PCDH11X: variants seen among roughly 807,000 people sequenced by gnomAD.
PCDH11X encodes the protein protocadherin 11 X-linked.
A neutral mutation model predicts 53.3 loss-of-function variants in PCDH11X; 18 were observed. That is an observed-to-expected ratio of 0.34 (90% CI 0.23 to 0.50). The LOEUF (loss-of-function observed/expected upper bound fraction) is 0.50. Ranked by LOEUF, PCDH11X falls within the 20% of genes least tolerant of loss-of-function variation. PCDH11X has a pLI of 0.98. For synonymous variants in PCDH11X, 279 were observed against 393.3 expected (o/e 0.71, Z 3.44); for missense variants, 570 against 1,032.4 (o/e 0.55, Z 6.14).
At chrX:92,139,865 G>A (rs2065149808) in intron 6 of PCDH11X, among the ~76,000 whole-genome samples, 1 of 110,153 alleles carries the variant, frequency 9.1e-6, no homozygotes, top group South Asian at 3.8e-4. Flanking sequence ...AATAAAGAAG[G>A]GACTATTTTT....
intron 8 of PCDH11X, among the ~76,000 whole-genome samples, chrX:92,352,273 T>G (rs1316457619): frequency 8.9e-6 from 1 of 112,014 alleles, no homozygotes. Flanking sequence ...AACCTCTCAT[T>G]TGATAGGTGA....
intron 8 of PCDH11X, among the ~76,000 whole-genome samples, chrX:92,287,562 A>G (rs1184925351): frequency 1.8e-5 from 2 of 111,850 alleles, no homozygotes; most frequent in Non-Finnish European, 3.8e-5. Context: ...ATCAACCAGC[A>G]ACCCTGATAC....
chrX:92,535,323 A>G (rs1372810475), intron 10 of PCDH11X, among the ~76,000 whole-genome samples: 3 of 111,972 alleles, frequency 2.7e-5, no homozygotes, highest in Non-Finnish European at 3.8e-5. Context: ...TATATACATC[A>G]TGGAATACTA....
chrX:92,454,273 C>G (rs1230696327), intron 9 of PCDH11X, among the ~76,000 whole-genome samples: 2 of 107,004 alleles, frequency 1.9e-5, no homozygotes, highest in African/African-American at 3.4e-5. Context: ...ATATGTGTAT[C>G]TAAATATGTG....
chrX:92,118,047 C>T (rs193221672), intron 6 of PCDH11X, among the ~76,000 whole-genome samples: 3 of 111,654 alleles, frequency 2.7e-5, no homozygotes, highest in Non-Finnish European at 3.8e-5. Flanking sequence ...TATGGTCATG[C>T]ATGCATACTG....
chrX:92,545,060 G>T (rs1458668887), intron 10 of PCDH11X, among the ~76,000 whole-genome samples: 1 of 111,149 alleles, frequency 9.0e-6, no homozygotes, highest in Non-Finnish European at 1.9e-5. Flanking sequence ...TAGTTGGAGA[G>T]CTCCTGCTGT....
At chrX:92,600,288 A>G (rs1424318083) in intron 10 of PCDH11X, among the ~76,000 whole-genome samples, 3 of 110,541 alleles carry the variant, frequency 2.7e-5, no homozygotes, top group Non-Finnish European at 5.7e-5. Flanking sequence ...AGAGGTCCTC[A>G]TGGCAGCACC....
chrX:91,780,806 G>T (rs1935108353), intron 1 of PCDH11X, among the ~76,000 whole-genome samples: 1 of 113,087 alleles, frequency 8.8e-6, no homozygotes, highest in South Asian at 3.6e-4. Flanking sequence ...TTGCGGCTGG[G>T]ACTCGCATCT....
intron 6 of PCDH11X, among the ~76,000 whole-genome samples, chrX:91,943,852 C>A (rs2061538611): frequency 9.9e-6 from 1 of 101,304 alleles, no homozygotes; most frequent in African/African-American, 3.6e-5. Flanking sequence ...TTCTTTCAGA[C>A]TAGAAAGTAA....
chrX:92,030,697 A>C (rs747423693), intron 6 of PCDH11X, among the ~76,000 whole-genome samples: 87 of 107,836 alleles, frequency 8.1e-4, no homozygotes, highest in Non-Finnish European at 1.6e-3. Context: ...CCATGAGTTC[A>C]ATTGTTTTCA....
chrX:92,489,299 T>C (rs2073709376), intron 10 of PCDH11X, among the ~76,000 whole-genome samples: 1 of 109,861 alleles, frequency 9.1e-6, no homozygotes, highest in Non-Finnish European at 1.9e-5. Context: ...GGTATATTTC[T>C]GGCATTATAG....
intron 10 of PCDH11X, among the ~76,000 whole-genome samples, chrX:92,484,312 CAT>C (rs763919553): frequency 1.4e-4 from 14 of 98,551 alleles, no homozygotes; most frequent in Admixed American, 2.4e-4. Flanking sequence ...TATATATATA[CAT>C]ATATATATAT....
chrX:92,319,553 T>A (rs183491577), intron 8 of PCDH11X, among the ~76,000 whole-genome samples: 9 of 110,929 alleles, frequency 8.1e-5, no homozygotes, highest in Admixed American at 1.9e-4. Context: ...AGAGACAGGG[T>A]CTCACTATGT....
intron 6 of PCDH11X, among the ~76,000 whole-genome samples, chrX:92,158,437 G>C (rs2065577881): frequency 9.3e-6 from 1 of 108,105 alleles, no homozygotes; most frequent in South Asian, 4.2e-4. Context: ...TTGAACCTGG[G>C]AGGCAGAGGT....
intron 5 of PCDH11X, among the ~76,000 whole-genome samples, chrX:91,851,615 A>G (rs1335896195): frequency 8.9e-6 from 1 of 111,880 alleles, no homozygotes; most frequent in Non-Finnish European, 1.9e-5. Flanking sequence ...GCTCTGATTA[A>G]GAACTTGTCT....
At chrX:92,417,008 T>C (rs2071829183) in intron 9 of PCDH11X, among the ~76,000 whole-genome samples, 1 of 110,608 alleles carries the variant, frequency 9.0e-6, no homozygotes, top group African/African-American at 3.3e-5. Flanking sequence ...ATATACCTCA[T>C]TGATTTTAAC....
At chrX:91,875,205 T>A (rs1255176814) in intron 5 of PCDH11X, among the ~76,000 whole-genome samples, 1 of 109,811 alleles carries the variant, frequency 9.1e-6, no homozygotes, top group Non-Finnish European at 1.9e-5. Flanking sequence ...TCCTCTCTCA[T>A]TTCTCCTCGG....
At chrX:92,490,428 C>T (rs867186481) in intron 10 of PCDH11X, among the ~76,000 whole-genome samples, 5 of 111,590 alleles carry the variant, frequency 4.5e-5, no homozygotes, top group South Asian at 3.7e-4. Context: ...CAGAAATAGG[C>T]GTTTACAATG....
chrX:91,882,011 T>G (rs1939930023), intron 6 of PCDH11X, among the ~76,000 whole-genome samples: 1 of 110,077 alleles, frequency 9.1e-6, no homozygotes, highest in Non-Finnish European at 1.9e-5. Context: ...ATCTGAAATT[T>G]TATGTTTTAT....
Sources: allele counts gnomAD v4.1 joint callset (sites outside exome capture counted in the v4.1 genomes callset), GRCh38; gene constraint gnomAD v4.1.1; transcripts MANE v1.5; gene names NCBI Gene and HGNC (gene_info 2026-07-23, HGNC 2026-07-21).